Variants in CAGE1 observed in about 807,000 individuals in gnomAD.
The protein encoded by CAGE1 is cancer antigen 1, also known as cancer-associated gene 1 protein.
CAGE1 carries 66 observed loss-of-function variants against 94.9 expected under a neutral mutation model. The observed-to-expected ratio is 0.70, with a 90% CI of 0.57 to 0.85. CAGE1 has a LOEUF of 0.85. CAGE1 is among the 40% of genes least tolerant of loss of function. The pLI, the probability that CAGE1 is intolerant of heterozygous loss-of-function variation, is 0.00. For missense variants in CAGE1, 865 were observed against 950.4 expected, an observed-to-expected ratio of 0.91 and a Z score of 1.18; for synonymous variants, 319 against 321.0, an observed-to-expected ratio of 0.99 and a Z score of 0.07.
chr6:7,367,359 C>T (rs1290314596), intron 7 of CAGE1, among the ~76,000 whole-genome samples: 4 of 148,682 alleles, frequency 2.7e-5, no homozygotes, highest in African/African-American at 7.5e-5. Flanking sequence ...ACCACAGCTT[C>T]GACCTTTCTG....
chr6:7,328,870 A>G (rs1758622075), intron 13 of CAGE1, among the ~76,000 whole-genome samples: 1 of 128,650 alleles, frequency 7.8e-6, no homozygotes, highest in East Asian at 2.4e-4. Context: ...TCTGTATCTT[A>G]TAAGTGTGTG....
intron 11 of CAGE1, chr6:7,338,923 C>T: frequency 6.3e-7 from 1 of 1,598,716 alleles, no homozygotes; most frequent in Non-Finnish European, 8.6e-7. Flanking sequence ...GCAGTTATCT[C>T]ATCTTTGGGT....
At chr6:7,374,234 T>C (rs1258464574) in intron 4 of CAGE1, 103 bp from the exon 5 acceptor site, 6 of 915,612 alleles carry the variant, frequency 6.6e-6, no homozygotes, top group Non-Finnish European at 1.0e-5. Context: ...ATCCCCTGTT[T>C]GGCTTTCTCC....
intron 11 of CAGE1, among the ~76,000 whole-genome samples, chr6:7,351,618 C>T (rs141790629): frequency 1.8e-3 from 260 of 145,404 alleles, no homozygotes; most frequent in African/African-American, 6.2e-3. Flanking sequence ...TGAACACAGA[C>T]GCTAAACTCC....
chr6:7,382,128 G>A (rs1469979523), intron 3 of CAGE1, among the ~76,000 whole-genome samples: 9 of 152,048 alleles, frequency 5.9e-5, no homozygotes, highest in African/African-American at 2.2e-4. Context: ...GTGAGCCACC[G>A]TGCCCAGCCA....
intron 10 of CAGE1, 117 bp from the exon 11 acceptor site, chr6:7,355,228 G>A: frequency 1.7e-6 from 1 of 601,716 alleles, no homozygotes. Flanking sequence ...TTCATAATAG[G>A]CAAAACACTT....
intron 9 of CAGE1, among the ~76,000 whole-genome samples, chr6:7,364,057 T>G (rs753355877): frequency 6.6e-6 from 1 of 152,202 alleles, no homozygotes; most frequent in Non-Finnish European, 1.5e-5. Flanking sequence ...TTGTTCCCAT[T>G]CCAGCTCCCA....
intron 3 of CAGE1, among the ~76,000 whole-genome samples, chr6:7,385,264 C>T (rs1446892646): frequency 6.6e-6 from 1 of 151,846 alleles, no homozygotes; most frequent in African/African-American, 2.4e-5. Context: ...CTCAGCCTCC[C>T]AAAGTGCTGG....
chr6:7,363,760 C>T (rs1241027622), intron 9 of CAGE1, among the ~76,000 whole-genome samples: 1 of 152,132 alleles, frequency 6.6e-6, no homozygotes. Flanking sequence ...TGAGATTTAT[C>T]GGTGTGTTCA....
At chr6:7,388,662 T>C (rs984092951) in intron 1 of CAGE1, among the ~76,000 whole-genome samples, 3 of 152,268 alleles carry the variant, frequency 2.0e-5, no homozygotes, top group African/African-American at 7.2e-5. Context: ...GCCTGGATTC[T>C]TTTATTGAAT....
intron 12 of CAGE1, chr6:7,331,448 A>G: frequency 4.2e-6 from 2 of 477,608 alleles, no homozygotes; most frequent in Non-Finnish European, 7.5e-6. Flanking sequence ...CAATACCAGC[A>G]GCAGAACCAG....
In CAGE1 at chr6:7,329,893, A is replaced by T; in HGVS notation, c.2439-5T>A. The T allele has an allele frequency of 7.5e-7, 1 of 1,338,226 alleles. No homozygotes were observed. The highest frequency in any genetic ancestry group is 1.1e-6 in the Non-Finnish European group (1 of 949,788). The allele number at this position is 1,338,226 out of a possible 1,614,324, so 82.9% of individuals were successfully genotyped here. A position where few individuals can be genotyped will look rare whatever the true frequency, so the allele number is the denominator to read the frequency against. ...TGATTTTCTAAGCTTTTTGATCTGT[A>T]AGAAATAGAAAGAAAATAATGTAAA... On this transcript the variant is annotated splice_polypyrimidine_tract_variant and splice_region_variant and intron_variant, in intron 12 of 13. Transcript: ENST00000502583.
intron 3 of CAGE1, among the ~76,000 whole-genome samples, chr6:7,383,471 TATA>T (rs1255082083): frequency 2.0e-5 from 3 of 152,234 alleles, no homozygotes; most frequent in African/African-American, 7.2e-5. Flanking sequence ...CCCACTGGTT[TATA>T]ATGACACCTC....
chr6:7,330,913 C>T (rs1758726777), intron 12 of CAGE1, among the ~76,000 whole-genome samples: 1 of 152,128 alleles, frequency 6.6e-6, no homozygotes, highest in Non-Finnish European at 1.5e-5. Flanking sequence ...CATGTAAATT[C>T]ATATTTAAAT....
intron 3 of CAGE1, among the ~76,000 whole-genome samples, chr6:7,379,873 A>C (rs916713270): frequency 2.6e-5 from 4 of 152,252 alleles, no homozygotes; most frequent in African/African-American, 9.6e-5. Context: ...GGAATACTTA[A>C]GTTCCATTTA....
Position 7,329,899 on chromosome 6 carries a change from TAGAA to T in CAGE1, c.2439-15_2439-12del, listed in dbSNP as rs749051705. ...TCTAAGCTTTTTGATCTGTAAGAAA[TAGAA>T]AGAAAATAATGTAAAAAGGAGGAAG... On this transcript the variant is annotated splice_polypyrimidine_tract_variant and intron_variant, in intron 12 of 13. Coordinates refer to ENST00000502583, the MANE Select transcript of CAGE1 (RefSeq NM_001170692.2). 2.2e-6 allele frequency: 3 copies of T among 1,343,578 alleles called. No individual in the cohort carries two copies. Among genetic ancestry groups the T allele is most frequent in the Non-Finnish European group, 2.1e-6 (2 of 954,594 alleles). 83.2% of individuals were successfully genotyped at this position (1,343,578 alleles called of 1,614,324 possible).
chr6:7,373,322 C>T lies in CAGE1; in HGVS notation c.1497G>A (p.Leu499=). 6.2e-7 allele frequency: 1 copy of T among 1,609,484 alleles called. No individual in the cohort carries two copies. Among genetic ancestry groups the T allele is most frequent in the Non-Finnish European group, 8.5e-7 (1 of 1,178,298 alleles). ...TAGATTTCAGTTTCTGTCTTTCTTCCAGGTTTTCCTTTTCAAGTTTCTGGA... is the reference window on the plus strand; with the variant it reads ...TAGATTTCAGTTTCTGTCTTTCTTCTAGGTTTTCCTTTTCAAGTTTCTGGA... The part of the protein sequence containing the change: ...EEFQKLEKEN[L]EERQKLKSRL... The change falls in exon 5 of 14, where the codon CTG becomes CTA. Residue 499 remains leucine, a synonymous_variant. Transcript: ENST00000502583.
Position 7,333,384 on chromosome 6 carries a change from A to G in CAGE1, c.2438+638T>C, listed in dbSNP as rs550697952. ...AAGAAAATATGGTGATAAAATACAG[A>G]GCAGGGCAAGTAGTTTTGTTGTAGA... is the stretch of plus-strand genomic sequence containing the variant. On this transcript the variant is annotated intron_variant, in intron 12 of 13. Transcript: ENST00000502583. 1.4e-3 allele frequency among the ~76,000 whole-genome samples: 219 copies of G among 152,288 alleles called. 1 individual carries two copies. The highest frequency in any genetic ancestry group is 5.2e-3 in the African/African-American group (215 of 41,562).
intron 11 of CAGE1, among the ~76,000 whole-genome samples, chr6:7,342,885 G>A (rs1396983605): frequency 6.6e-6 from 1 of 151,522 alleles, no homozygotes; most frequent in Non-Finnish European, 1.5e-5. Context: ...AATTATCCCA[G>A]CACCATTTGT....
Sources: allele counts gnomAD v4.1 joint callset (sites outside exome capture counted in the v4.1 genomes callset), GRCh38; gene constraint gnomAD v4.1.1; transcripts MANE v1.5; gene names NCBI Gene and HGNC (gene_info 2026-07-23, HGNC 2026-07-21).